ERCC6L2: variants seen among roughly 807,000 people sequenced by gnomAD.
ERCC6L2 encodes the protein ERCC excision repair 6 like 2.
A neutral mutation model predicts 132.0 loss-of-function variants in ERCC6L2; 77 were observed. The ratio of observed to expected loss-of-function variants is 0.58; its 90% CI spans 0.49 to 0.71. The LOEUF (loss-of-function observed/expected upper bound fraction) is 0.71. Ranked by LOEUF, ERCC6L2 falls within the 30% of genes least tolerant of loss-of-function variation. The pLI is 0.00. For synonymous variants in ERCC6L2, 583 were observed against 632.4 expected, an observed-to-expected ratio of 0.92 and a Z score of 1.17; for missense variants, 1,542 against 1,837.6, an observed-to-expected ratio of 0.84 and a Z score of 2.94.
At chr9:96,011,475 C>G (rs1457691752) in intron 18 of ERCC6L2, among the ~76,000 whole-genome samples, 1 of 152,186 alleles carries the variant, frequency 6.6e-6, no homozygotes, top group Non-Finnish European at 1.5e-5. Flanking sequence ...CCATGGCACC[C>G]TCATTTAGGG....
At chr9:95,994,671 G>GA (rs1833414392) in intron 17 of ERCC6L2, among the ~76,000 whole-genome samples, 2 of 152,200 alleles carry the variant, frequency 1.3e-5, no homozygotes, top group Non-Finnish European at 2.9e-5. Context: ...GAATGAATCA[G>GA]ATTATCTGCA....
intron 17 of ERCC6L2, among the ~76,000 whole-genome samples, chr9:95,984,225 ATATT>A (rs944424514): frequency 8.7e-5 from 13 of 149,294 alleles, no homozygotes; most frequent in Admixed American, 1.3e-4. Flanking sequence ...GATAAAGTAT[ATATT>A]ATATATGTTA....
intron 3 of ERCC6L2, among the ~76,000 whole-genome samples, chr9:95,905,954 A>G (rs1829013756): frequency 1.3e-5 from 2 of 152,228 alleles, no homozygotes; most frequent in South Asian, 4.1e-4. Flanking sequence ...TGGTAACCCT[A>G]TTAAACTTAA....
At chr9:96,006,019 A>C (rs1199560260) in intron 18 of ERCC6L2, among the ~76,000 whole-genome samples, 1 of 152,200 alleles carries the variant, frequency 6.6e-6, no homozygotes, top group Non-Finnish European at 1.5e-5. Flanking sequence ...ACAAGAGAGG[A>C]AAAAATTCAG....
chr9:95,908,747 T>A (rs562998970), intron 4 of ERCC6L2, among the ~76,000 whole-genome samples: 3 of 151,946 alleles, frequency 2.0e-5, no homozygotes, highest in African/African-American at 7.3e-5. Context: ...GAAACAGTTA[T>A]CTAGTAAGTC....
rs1439500873 is a variant in ERCC6L2, at chr9:96,015,227, G to A, written c.*2024G>A. On this transcript the variant is annotated 3_prime_UTR_variant, in exon 19 of 19. Coordinates refer to ENST00000653738, the MANE Select transcript of ERCC6L2 (RefSeq NM_020207.7). ...TTTTGAGACGGAGTCTCACTCTGTC[G>A]CCAGGCTGGAGTGCAGTGGCTCGAT... is the stretch of plus-strand genomic sequence containing the variant. 2.8e-5 allele frequency among the ~76,000 whole-genome samples: 4 copies of A among 144,066 alleles called. No individual in the cohort carries two copies. The highest frequency in any genetic ancestry group is 2.2e-4 in the South Asian group (1 of 4,462). 94.5% of individuals were successfully genotyped at this position (144,066 alleles called of 152,430 possible).
chr9:95,998,802 T>C (rs1204684955), intron 17 of ERCC6L2, among the ~76,000 whole-genome samples: 3 of 152,240 alleles, frequency 2.0e-5, no homozygotes, highest in Non-Finnish European at 4.4e-5. Context: ...GTCACTCGTT[T>C]TGTGATACTC....
At chr9:95,955,690 A>T (rs1831564454) in intron 12 of ERCC6L2, among the ~76,000 whole-genome samples, 1 of 152,170 alleles carries the variant, frequency 6.6e-6, no homozygotes, top group South Asian at 2.1e-4. Context: ...ACAAAAATGA[A>T]GTTGATACTT....
chr9:96,028,206 A>G (rs888122562), intron 19 of ERCC6L2, among the ~76,000 whole-genome samples: 2 of 150,976 alleles, frequency 1.3e-5, no homozygotes, highest in Admixed American at 1.3e-4. Context: ...CTATCTGTGC[A>G]TTAAAAATGC....
intron 3 of ERCC6L2, among the ~76,000 whole-genome samples, chr9:95,899,828 G>A (rs910209489): frequency 1.2e-4 from 19 of 152,038 alleles, no homozygotes; most frequent in Admixed American, 2.6e-4. Context: ...AGTTTACTTA[G>A]TGCAATGTAA....
chr9:95,893,728 A>G (rs1032388812), intron 2 of ERCC6L2, among the ~76,000 whole-genome samples: 13 of 152,110 alleles, frequency 8.5e-5, no homozygotes, highest in African/African-American at 3.1e-4. Context: ...GCAAAGCATT[A>G]TTATGGCTTA....
chr9:95,972,538 G>A lies in ERCC6L2; in HGVS notation c.2787G>A (p.Glu929=), dbSNP rs1375192284. The stretch of plus-strand genomic sequence containing the variant: ...TTAAGCCACCCTTGGAAGGATCTGA[G>A]GATTCTGAAACAGAACACACTGTAA... ...IRFKPPLEGS[E]DSETEHTVKT... The change falls in exon 16 of 19, where the codon GAG becomes GAA. Residue 929 remains glutamate, a synonymous_variant. Transcript: ENST00000653738. 1.6e-6 allele frequency: 2 copies of A among 1,289,852 alleles called. No individual in the cohort carries two copies. Among genetic ancestry groups the A allele is most frequent in the South Asian group, 2.5e-5 (2 of 80,986 alleles). The allele number at this position is 1,289,852 out of a possible 1,614,324, so 79.9% of individuals were successfully genotyped here.
chr9:96,001,423 A>G (rs898868432), intron 17 of ERCC6L2, among the ~76,000 whole-genome samples: 1 of 152,138 alleles, frequency 6.6e-6, no homozygotes, highest in African/African-American at 2.4e-5. Context: ...TCCCCATCAG[A>G]TTAGTTAGAT....
chr9:95,880,747 C>A, intron 1 of ERCC6L2, 122 bp from the exon 2 acceptor site: 1 of 739,322 alleles, frequency 1.4e-6, no homozygotes, highest in Non-Finnish European at 2.2e-6. Flanking sequence ...TAGAATTTAT[C>A]TTGTTCCAGT....
At chr9:95,883,892 T>TA (rs907717588) in intron 2 of ERCC6L2, among the ~76,000 whole-genome samples, 1 of 152,272 alleles carries the variant, frequency 6.6e-6, no homozygotes, top group African/African-American at 2.4e-5. Context: ...GGGTACTACA[T>TA]ACAAAAAGTG....
At chr9:95,890,541 C>G (rs77614524) in intron 2 of ERCC6L2, among the ~76,000 whole-genome samples, 1,968 of 152,270 alleles carry the variant, frequency 0.013, 43 homozygotes, top group African/African-American at 0.045. Context: ...TTAAACCATC[C>G]TATTTTTCAT....
At chr9:95,941,182 A>AT (rs1830781009) in intron 11 of ERCC6L2, among the ~76,000 whole-genome samples, 1 of 152,162 alleles carries the variant, frequency 6.6e-6, no homozygotes, top group Non-Finnish European at 1.5e-5. Context: ...CAGAAGTAGT[A>AT]TTTGAGTATC....
intron 18 of ERCC6L2, among the ~76,000 whole-genome samples, chr9:96,007,652 A>G (rs1217590597): frequency 6.6e-6 from 1 of 152,204 alleles, no homozygotes; most frequent in East Asian, 1.9e-4. Context: ...GGAAGAGGCA[A>G]TATCAGCAGA....
intron 9 of ERCC6L2, among the ~76,000 whole-genome samples, chr9:95,923,627 A>G (rs1829975639): frequency 6.6e-6 from 1 of 152,156 alleles, no homozygotes; most frequent in South Asian, 2.1e-4. Flanking sequence ...TTATTGATAT[A>G]TTGGACTTAT....
Sources: allele counts gnomAD v4.1 joint callset (sites outside exome capture counted in the v4.1 genomes callset), GRCh38; gene constraint gnomAD v4.1.1; transcripts MANE v1.5; gene names NCBI Gene and HGNC (gene_info 2026-07-23, HGNC 2026-07-21).